The following IDO2 variants were observed in gnomAD, a reference collection of about 807,000 sequenced individuals.
The protein encoded by IDO2 is indoleamine 2,3-dioxygenase 2, also known as indoleamine 2,3-dioxygenase-like 1 protein.
IDO2 carries 46 observed loss-of-function variants against 45.1 expected under a neutral mutation model. The ratio of observed to expected loss-of-function variants is 1.02; its 90% CI spans 0.80 to 1.30. The LOEUF (loss-of-function observed/expected upper bound fraction) is 1.30, where lower values mean the gene tolerates loss of function less well. IDO2 is among the 50% of genes most tolerant of loss of function. The pLI, the probability that IDO2 is intolerant of heterozygous loss-of-function variation, is 0.00. For missense variants in IDO2, 544 were observed against 491.8 expected (o/e 1.11, Z -1.00); for synonymous variants, 218 against 184.9 (o/e 1.18, Z -1.45).
chr8:40,000,434 A>G (rs1383651567), intron 8 of IDO2, among the ~76,000 whole-genome samples: 1 of 152,094 alleles, frequency 6.6e-6, no homozygotes, highest in Non-Finnish European at 1.5e-5. Flanking sequence ...GTATTCCTAA[A>G]CAGCATATTA....
At chr8:39,949,701 A>T (rs1329430100) in intron 2 of IDO2, among the ~76,000 whole-genome samples, 1 of 152,218 alleles carries the variant, frequency 6.6e-6, no homozygotes. Flanking sequence ...TTGCATGACT[A>T]CATGTTTGTA....
At chr8:40,004,214 C>T (rs970448381) in intron 8 of IDO2, among the ~76,000 whole-genome samples, 2 of 152,138 alleles carry the variant, frequency 1.3e-5, no homozygotes, top group African/African-American at 2.4e-5. Flanking sequence ...AATGTGACAC[C>T]ACCAAGGAGC....
chr8:40,001,260 T>C (rs1802132588), intron 8 of IDO2, among the ~76,000 whole-genome samples: 1 of 147,252 alleles, frequency 6.8e-6, no homozygotes, highest in Non-Finnish European at 1.5e-5. Flanking sequence ...TTTTTTTTTT[T>C]TTTTTTTTTG....
chr8:40,012,589 A>G (rs1802324296), intron 9 of IDO2, among the ~76,000 whole-genome samples: 4 of 152,226 alleles, frequency 2.6e-5, no homozygotes, highest in Admixed American at 2.6e-4. Context: ...TTTTGGACAC[A>G]TTATAAAGTC....
intron 9 of IDO2, among the ~76,000 whole-genome samples, chr8:40,009,055 C>A (rs1359034009): frequency 6.6e-6 from 1 of 151,988 alleles, no homozygotes; most frequent in Non-Finnish European, 1.5e-5. Flanking sequence ...CGCTTTGTCG[C>A]CCAGGCTGGA....
chr8:39,938,596 C>T (rs1242209359), intron 1 of IDO2, among the ~76,000 whole-genome samples: 1 of 151,932 alleles, frequency 6.6e-6, no homozygotes, highest in Non-Finnish European at 1.5e-5. Context: ...CTCTATATCA[C>T]ATATCAATAT....
chr8:39,997,741 T>A (rs1802070951), intron 8 of IDO2: 1 of 152,820 alleles, frequency 6.5e-6, no homozygotes, highest in Non-Finnish European at 1.5e-5. Flanking sequence ...ATCAGGAAGT[T>A]ACATTACAGC....
chr8:39,969,413 T>C (rs1808147002), intron 3 of IDO2, among the ~76,000 whole-genome samples: 1 of 152,348 alleles, frequency 6.6e-6, no homozygotes, highest in African/African-American at 2.4e-5. Context: ...TTGATAAATG[T>C]ATGTGTTCTG....
intron 3 of IDO2, among the ~76,000 whole-genome samples, chr8:39,975,215 G>C (rs1417171415): frequency 6.7e-6 from 1 of 150,126 alleles, no homozygotes; most frequent in African/African-American, 2.5e-5. Context: ...GCCCAGGCTG[G>C]AGTGCATTGG....
chr8:39,989,824 T>G lies in IDO2; in HGVS notation c.653T>G (p.Leu218Ter), dbSNP rs1374562983. ...TCTATTCAGGACATCACCAAAACCT[T>G]AGGACAGATGCATGGTAAGATGCTT... The change falls in exon 8 of 11, where the codon TTA (leucine) becomes TGA (stop). Residue 218 changes from leucine (L) to a stop codon, truncating the protein, a stop_gained. Transcript: ENST00000502986. LOFTEE classifies it high-confidence loss of function. 3 of 1,593,306 alleles carry G rather than the reference T, an allele frequency of 1.9e-6. No individual in the cohort carries two copies. The highest frequency in any genetic ancestry group is 2.6e-6 in the Non-Finnish European group (3 of 1,169,292).
At chr8:39,984,206 G>A (rs760485271) in intron 5 of IDO2, among the ~76,000 whole-genome samples, 1 of 152,224 alleles carries the variant, frequency 6.6e-6, no homozygotes, top group Admixed American at 6.5e-5. Flanking sequence ...CAGGTGCAGC[G>A]GCTCATGCCT....
intron 2 of IDO2, among the ~76,000 whole-genome samples, chr8:39,958,208 A>T (rs1438869309): frequency 1.3e-5 from 2 of 150,394 alleles, no homozygotes; most frequent in Non-Finnish European, 3.0e-5. Flanking sequence ...CCCAGACTTT[A>T]TTTTATTTTT....
At chr8:39,944,334 AG>A (rs1807700392) in intron 1 of IDO2, among the ~76,000 whole-genome samples, 2 of 152,144 alleles carry the variant, frequency 1.3e-5, no homozygotes, top group African/African-American at 4.8e-5. Context: ...CTGTTAACTC[AG>A]GACTACCACA....
chr8:40,003,712 A>G (rs1802174789), intron 8 of IDO2, among the ~76,000 whole-genome samples: 1 of 152,102 alleles, frequency 6.6e-6, no homozygotes, highest in Non-Finnish European at 1.5e-5. Context: ...TAAAATTTAC[A>G]ACTTTTATTT....
At position 40,015,559 on chromosome 8, in the gene IDO2, T is replaced by C. The variant is rs768043479; in HGVS notation, c.1181T>C (p.Val394Ala). 1.2e-6 allele frequency: 2 copies of C among 1,613,878 alleles called. No individual in the cohort carries two copies. The highest frequency in any genetic ancestry group is 1.7e-6 in the Non-Finnish European group (2 of 1,179,870). ...GCAGTTATGAGCTTTCTTAAGAGTG[T>C]CAGGGATAAGACCTTGGAGTCAATC... Residue 394 changes from valine to alanine, a missense_variant, in exon 11 of 11, where the codon GTC becomes GCC. By Grantham distance (64) the Val-to-Ala change is moderately conservative (BLOSUM62 0). Coordinates refer to ENST00000502986, the Ensembl canonical transcript of IDO2.
intron 4 of IDO2, 74 bp downstream of exon 4, chr8:39,979,260 G>A: frequency 1.3e-6 from 2 of 1,507,418 alleles, no homozygotes; most frequent in Non-Finnish European, 1.8e-6. Context: ...TCCCTGCTTG[G>A]TGCTACCCTG....
At chr8:40,016,208 G>C (rs1226786565) in exon 11 of IDO2, 1 of 397,706 alleles carries the variant, frequency 2.5e-6, no homozygotes, top group African/African-American at 2.1e-5. Flanking sequence ...CTTTCCACGT[G>C]GTACCTAGAT....
At chr8:40,008,220 AT>A (rs1802251702) in intron 9 of IDO2, among the ~76,000 whole-genome samples, 1 of 151,372 alleles carries the variant, frequency 6.6e-6, no homozygotes, top group Admixed American at 6.6e-5. Context: ...TGATTTTTGT[AT>A]TTTTCATAGA....
chr8:39,986,959 C>CT (rs1288430513), intron 6 of IDO2: 6 of 152,072 alleles, frequency 3.9e-5, no homozygotes, highest in African/African-American at 1.2e-4. Context: ...TCTGCAACCT[C>CT]TTGCCTCAGT....
Sources: gnomAD v4.1 joint callset for allele counts (sites outside exome capture counted in the v4.1 genomes callset) on GRCh38, gnomAD v4.1.1 for gene constraint, MANE v1.5 for transcripts, NCBI Gene and HGNC (gene_info 2026-07-23, HGNC 2026-07-21) for gene names.